SMYD3: variants seen among roughly 807,000 people sequenced by gnomAD.
SMYD3 encodes the protein SET and MYND domain containing 3, also known as histone-lysine N-methyltransferase SMYD3.
A neutral mutation model predicts 57.7 loss-of-function variants in SMYD3; 36 were observed. That is an observed-to-expected ratio of 0.62 (90% confidence interval 0.48 to 0.82). The LOEUF (loss-of-function observed/expected upper bound fraction) is 0.82, where lower values mean the gene tolerates loss of function less well. Among genes scored for constraint, SMYD3 ranks in the 40% least tolerant of loss-of-function variants. The pLI is 0.00. For synonymous variants in SMYD3, 211 were observed against 195.0 expected (o/e 1.08, Z -0.68); for missense variants, 515 against 538.8 (o/e 0.96, Z 0.44).
At chr1:245,911,473 T>C (rs1371088489) in intron 8 of SMYD3, among the ~76,000 whole-genome samples, 1 of 148,954 alleles carries the variant, frequency 6.7e-6, no homozygotes, top group Non-Finnish European at 1.5e-5. Flanking sequence ...TAAATGTCCA[T>C]CAATAAGTAA....
chr1:246,391,394 AAGAG>A lies in SMYD3; in HGVS notation c.165-36304_165-36301del, dbSNP rs371972778. 4.9e-3 allele frequency among the ~76,000 whole-genome samples: 443 copies of A among 90,306 alleles called. 2 individuals carry two copies. Among genetic ancestry groups the A allele is most frequent in the Admixed American group, 0.011 (77 of 6,808 alleles). 59.2% of individuals were successfully genotyped at this position (90,306 alleles called of 152,430 possible). A position where few individuals can be genotyped will look rare whatever the true frequency, so the allele number is the denominator to read the frequency against. On this transcript the variant is annotated intron_variant, in intron 1 of 11. Transcript: ENST00000490107. ...GACCTTATTGAGAGAGAGAGAGAGA[AAGAG>A]AGAGAGAGAAAGAGAGAGAAAAAGA...
At chr1:245,861,358 T>C (rs1317151597) in intron 9 of SMYD3, among the ~76,000 whole-genome samples, 1 of 152,190 alleles carries the variant, frequency 6.6e-6, no homozygotes, top group Non-Finnish European at 1.5e-5. Flanking sequence ...TATCTTTTTT[T>C]CCTGAATACT....
chr1:246,204,808 A>G (rs2062973547), intron 5 of SMYD3, among the ~76,000 whole-genome samples: 1 of 152,236 alleles, frequency 6.6e-6, no homozygotes, highest in East Asian at 1.9e-4. Flanking sequence ...AATTCTATGA[A>G]TTGTCAAAAT....
chr1:246,053,571 T>C (rs772146516), intron 5 of SMYD3, among the ~76,000 whole-genome samples: 1 of 152,106 alleles, frequency 6.6e-6, no homozygotes, highest in African/African-American at 2.4e-5. Context: ...GGAAAGTCTC[T>C]TCAAAAAAAT....
At chr1:246,311,745 A>G (rs947137561) in intron 5 of SMYD3, among the ~76,000 whole-genome samples, 1 of 152,250 alleles carries the variant, frequency 6.6e-6, no homozygotes, top group Non-Finnish European at 1.5e-5. Context: ...CTTCGTGTAT[A>G]TGAGCAGCTT....
intron 5 of SMYD3, among the ~76,000 whole-genome samples, chr1:246,220,740 A>G (rs968090560): frequency 6.6e-6 from 1 of 152,146 alleles, no homozygotes; most frequent in Non-Finnish European, 1.5e-5. Context: ...CGGGGCATGG[A>G]GTGGAAACTT....
chr1:246,037,956 T>G (rs1572927032), intron 5 of SMYD3, among the ~76,000 whole-genome samples: 1 of 152,230 alleles, frequency 6.6e-6, no homozygotes, highest in East Asian at 1.9e-4. Flanking sequence ...AAGGTCCCTG[T>G]TGCAGCTATT....
intron 5 of SMYD3, among the ~76,000 whole-genome samples, chr1:245,980,318 G>T (rs1364406298): frequency 6.6e-6 from 1 of 152,200 alleles, no homozygotes; most frequent in Non-Finnish European, 1.5e-5. Context: ...CCTCGGGAAT[G>T]AAGGCAGGAA....
chr1:246,199,360 A>G (rs1372893716), intron 5 of SMYD3, among the ~76,000 whole-genome samples: 2 of 152,352 alleles, frequency 1.3e-5, no homozygotes, highest in African/African-American at 4.8e-5. Flanking sequence ...GAATGCACTC[A>G]GCACCTCACA....
Position 245,915,516 on chromosome 1 carries a change from TC to T in SMYD3, c.813+13del, listed in dbSNP as rs1167955474. On this transcript the variant is annotated intron_variant, in intron 8 of 11. Coordinates refer to ENST00000490107, the MANE Select transcript of SMYD3 (RefSeq NM_001167740.2). ...TGCCGTGGAGGTGTTTCAATCTGGT[TC>T]CATACTACATACCTTGTCCTGGGTT... The T allele has an allele frequency of 6.4e-7, 1 of 1,571,382 alleles. No individual in the cohort carries two copies.
intron 10 of SMYD3, among the ~76,000 whole-genome samples, chr1:245,835,883 C>A (rs895874418): frequency 6.6e-6 from 1 of 152,126 alleles, no homozygotes; most frequent in Non-Finnish European, 1.5e-5. Flanking sequence ...TTCTGTTCTC[C>A]GTCGACGTGA....
chr1:246,177,539 A>ATTTTCAGGACAGAAAATG (rs1312112545), intron 5 of SMYD3, among the ~76,000 whole-genome samples: 116 of 152,306 alleles, frequency 7.6e-4, no homozygotes, highest in African/African-American at 2.7e-3. Flanking sequence ...AAGAATAAAC[A>ATTTTCAGGACAGAAAATG]TTTTCAGGAC....
At chr1:245,817,277 G>T (rs12028856) in intron 10 of SMYD3, among the ~76,000 whole-genome samples, 1 of 141,598 alleles carries the variant, frequency 7.1e-6, no homozygotes, top group South Asian at 2.3e-4. Flanking sequence ...GCACCCCCCA[G>T]CAGGGGCACA....
intron 5 of SMYD3, among the ~76,000 whole-genome samples, chr1:246,164,466 C>A (rs2062172821): frequency 6.6e-6 from 1 of 152,052 alleles, no homozygotes; most frequent in Admixed American, 6.5e-5. Context: ...AATAAGACTT[C>A]TCTCATGAGG....
chr1:245,918,480 C>A (rs1243550656), intron 7 of SMYD3, among the ~76,000 whole-genome samples: 1 of 152,204 alleles, frequency 6.6e-6, no homozygotes, highest in Non-Finnish European at 1.5e-5. Flanking sequence ...CAACTGAGAT[C>A]CTTCAGCTGA....
At chr1:246,210,221 G>A (rs1003845715) in intron 5 of SMYD3, among the ~76,000 whole-genome samples, 1 of 152,148 alleles carries the variant, frequency 6.6e-6, no homozygotes, top group Non-Finnish European at 1.5e-5. Context: ...GAGAGTCACA[G>A]TCCTAAGAGG....
chr1:246,210,757 G>A (rs1260452284), intron 5 of SMYD3, among the ~76,000 whole-genome samples: 3 of 151,478 alleles, frequency 2.0e-5, no homozygotes, highest in Non-Finnish European at 2.9e-5. Context: ...AAATCCATTC[G>A]CAGCTCTCCA....
intron 1 of SMYD3, among the ~76,000 whole-genome samples, chr1:246,401,813 C>T (rs763674139): frequency 3.3e-4 from 50 of 152,042 alleles, no homozygotes; most frequent in Non-Finnish European, 5.1e-4. Flanking sequence ...ACCTCCACCT[C>T]CCAGGTCCAA....
chr1:245,987,325 G>A (rs1000339469), intron 5 of SMYD3, among the ~76,000 whole-genome samples: 2 of 152,194 alleles, frequency 1.3e-5, no homozygotes, highest in Non-Finnish European at 2.9e-5. Flanking sequence ...ACCACAGGAA[G>A]CTATAGCTCT....
Sources: gnomAD v4.1 joint callset for allele counts (sites outside exome capture counted in the v4.1 genomes callset) on GRCh38, gnomAD v4.1.1 for gene constraint, MANE v1.5 for transcripts, NCBI Gene and HGNC (gene_info 2026-07-23, HGNC 2026-07-21) for gene names.